The following MACF1 variants were observed in gnomAD, a reference collection of about 807,000 sequenced individuals.
MACF1 encodes the protein microtubule-actin cross-linking factor 1.
MACF1 carries 193 observed loss-of-function variants against 854.8 expected under a neutral mutation model. That is an observed-to-expected ratio of 0.23 (90% CI 0.20 to 0.25). The LOEUF (loss-of-function observed/expected upper bound fraction) is 0.25, where lower values mean the gene tolerates loss of function less well. MACF1 is among the 10% of genes least tolerant of loss of function. The pLI is 1.00. For missense variants in MACF1, 7,722 were observed against 8,929.1 expected, an observed-to-expected ratio of 0.86 and a Z score of 5.45; for synonymous variants, 3,185 against 3,226.7, an observed-to-expected ratio of 0.99 and a Z score of 0.44.
At chr1:39,085,141 A>T (rs143438965) in intron 2 of MACF1, among the ~76,000 whole-genome samples, 375 of 152,312 alleles carry the variant, frequency 2.5e-3, no homozygotes, top group African/African-American at 7.7e-3. Context: ...TGGCCCTGCC[A>T]CTGACCAACT....
At chr1:39,196,186 A>G (rs890463323) in intron 2 of MACF1, among the ~76,000 whole-genome samples, 6 of 152,222 alleles carry the variant, frequency 3.9e-5, no homozygotes, top group African/African-American at 7.2e-5. Context: ...TGATGTATAC[A>G]TAGTAGTATG....
At chr1:39,305,862 G>C (rs1253961097) in intron 23 of MACF1, among the ~76,000 whole-genome samples, 2 of 152,070 alleles carry the variant, frequency 1.3e-5, no homozygotes, top group Non-Finnish European at 2.9e-5. Context: ...CCCTCACTTT[G>C]TTCAGTTTAT....
upstream of MACF1, among the ~76,000 whole-genome samples, chr1:39,200,031 C>A (rs375919697): frequency 2.0e-5 from 3 of 152,150 alleles, no homozygotes; most frequent in Non-Finnish European, 2.9e-5. Context: ...CTTGATTATT[C>A]TTCTCCCATT....
intron 2 of MACF1, among the ~76,000 whole-genome samples, chr1:39,096,123 C>G (rs1005841336): frequency 3.0e-4 from 45 of 150,050 alleles, no homozygotes; most frequent in Non-Finnish European, 1.0e-4. Flanking sequence ...GACCCATGAT[C>G]GCACCACTGC....
intron 99 of MACF1, among the ~76,000 whole-genome samples, chr1:39,483,593 A>G (rs1483796316): frequency 6.6e-6 from 1 of 152,188 alleles, no homozygotes; most frequent in Non-Finnish European, 1.5e-5. Context: ...GTGTGGTAGA[A>G]ATGAAGTCAA....
intron 58 of MACF1, among the ~76,000 whole-genome samples, chr1:39,421,851 G>T (rs1190467175): frequency 1.3e-5 from 2 of 152,176 alleles, no homozygotes; most frequent in African/African-American, 4.8e-5. Context: ...GAGGAGGGCG[G>T]ATCACGAGGT....
chr1:39,452,454 CAG>C, intron 86 of MACF1, 104 bp downstream of exon 86: 2 of 1,254,900 alleles, frequency 1.6e-6, no homozygotes, highest in South Asian at 3.0e-5. Flanking sequence ...ATAAGTATAA[CAG>C]AGTTGAAAAT....
intron 51 of MACF1, among the ~76,000 whole-genome samples, chr1:39,371,543 C>A (rs978032552): frequency 6.6e-5 from 10 of 152,044 alleles, no homozygotes; most frequent in Non-Finnish European, 1.0e-4. Context: ...ACAACTATGG[C>A]AGGAGACATC....
At chr1:39,228,842 C>T (rs780069308) in intron 1 of MACF1, among the ~76,000 whole-genome samples, 11 of 151,996 alleles carry the variant, frequency 7.2e-5, no homozygotes, top group African/African-American at 1.9e-4. Context: ...TTAGTAGAGA[C>T]GGGGTTTCAC....
In MACF1 at chr1:39,433,032, A is replaced by G; in HGVS notation, c.17458-16A>G. 1 of 1,505,886 alleles carries G rather than the reference A, an allele frequency of 6.6e-7. No homozygotes were observed. Among genetic ancestry groups the G allele is most frequent in the Non-Finnish European group, 9.2e-7 (1 of 1,087,582 alleles). The allele number at this position is 1,505,886 out of a possible 1,614,324, so 93.3% of individuals were successfully genotyped here. The stretch of plus-strand genomic sequence containing the variant: ...AAGGGTCTTTTTACTTCTTAACTAC[A>G]GTTTACTTTTCAAAGGCTTTCTCCA... On this transcript the variant is annotated splice_polypyrimidine_tract_variant and intron_variant, in intron 67 of 100. Transcript: ENST00000564288.
At chr1:39,386,231 C>G (rs560692187) in intron 57 of MACF1, among the ~76,000 whole-genome samples, 1 of 148,848 alleles carries the variant, frequency 6.7e-6, no homozygotes, top group African/African-American at 2.5e-5. Context: ...CACATATACT[C>G]TCATTGATAC....
At chr1:39,154,215 C>G (rs189486651) in intron 2 of MACF1, 1 of 152,436 alleles carries the variant, frequency 6.6e-6, no homozygotes, top group South Asian at 2.1e-4. Context: ...TTTCTACTAT[C>G]CAAGTACTAA....
intron 42 of MACF1, 93 bp downstream of exon 42, chr1:39,349,720 T>C: frequency 7.5e-7 from 1 of 1,334,050 alleles, no homozygotes; most frequent in Non-Finnish European, 1.0e-6. Context: ...GCAGCTTCGA[T>C]CTCCTGGGCT....
chr1:39,311,069 A>C (rs761952002), intron 26 of MACF1, 69 bp downstream of exon 26: 286 of 1,519,166 alleles, frequency 1.9e-4, no homozygotes, highest in Non-Finnish European at 2.4e-4. Context: ...GGATGGCAAG[A>C]GTATGGCACC....
At chr1:39,287,246 A>C (rs1196750371) in intron 14 of MACF1, 40 bp from the exon 15 acceptor site, 1 of 1,586,256 alleles carries the variant, frequency 6.3e-7, no homozygotes, top group African/African-American at 1.4e-5. Context: ...ACTATACTAT[A>C]GATTTAAATC....
chr1:39,414,743 C>T (rs1643222400), intron 58 of MACF1, among the ~76,000 whole-genome samples: 1 of 152,198 alleles, frequency 6.6e-6, no homozygotes, highest in African/African-American at 2.4e-5. Flanking sequence ...TGTTGATTTA[C>T]ATTTTTAAAA....
At chr1:39,275,926 T>TTC (rs771154643) in intron 6 of MACF1, among the ~76,000 whole-genome samples, 8,958 of 124,282 alleles carry the variant, frequency 0.072, 334 homozygotes, top group African/African-American at 0.14. Flanking sequence ...CTTCTTCTTC[T>TTC]TTTTTTTTTT....
intron 35 of MACF1, 42 bp downstream of exon 35, chr1:39,324,776 G>A (rs1434611772): frequency 7.0e-7 from 1 of 1,430,018 alleles, no homozygotes; most frequent in African/African-American, 1.4e-5. Flanking sequence ...TGGGGCACCT[G>A]GTCTATCAGT....
At position 39,317,163 on chromosome 1, in the gene MACF1, C is replaced by A. The variant is rs375927217; in HGVS notation, c.3589-51C>A. On this transcript the variant is annotated intron_variant, in intron 28 of 100. Coordinates refer to ENST00000564288, the MANE Select transcript of MACF1 (RefSeq NM_001394062.1). ...CTTGTTTCCCACCTTAGACTGACTC[C>A]TTTTTAGCATGGAAAGTATACAACC... is the stretch of plus-strand genomic sequence containing the variant. 988 of 1,572,874 alleles carry A rather than the reference C, an allele frequency of 6.3e-4. 1 individual carries two copies. Among genetic ancestry groups the A allele is most frequent in the Non-Finnish European group, 8.0e-4 (928 of 1,154,588 alleles).
Sources: allele counts gnomAD v4.1 joint callset (sites outside exome capture counted in the v4.1 genomes callset), GRCh38; gene constraint gnomAD v4.1.1; transcripts MANE v1.5; gene names NCBI Gene and HGNC (gene_info 2026-07-23, HGNC 2026-07-21).